The following ANKRD60 variants were observed in gnomAD, a reference collection of about 807,000 sequenced individuals.
ANKRD60 encodes ankyrin repeat domain 60.
Under a neutral mutation model 21.3 loss-of-function variants are expected in ANKRD60, and 24 were observed. The observed-to-expected ratio is 1.13, with a 90% confidence interval of 0.82 to 1.59. ANKRD60 has a LOEUF of 1.59. ANKRD60 is among the 40% of genes most tolerant of loss of function. The probability of loss-of-function intolerance (pLI) is 0.00; values close to 1 mark genes in which losing one functional copy is unlikely to be tolerated. For missense variants in ANKRD60, 490 were observed against 466.7 expected (o/e 1.05, Z -0.46); for synonymous variants, 182 against 199.4 (o/e 0.91, Z 0.74).
intron 3 of ANKRD60, 92 bp from the exon 4 acceptor site, chr20:58,218,897 G>T: frequency 8.0e-7 from 1 of 1,255,838 alleles, no homozygotes; most frequent in Non-Finnish European, 1.1e-6. Flanking sequence ...CCTCAGGGAG[G>T]TCCTGCTGCC....
At chr20:58,220,714 G>C (rs1366592548) in intron 3 of ANKRD60, among the ~76,000 whole-genome samples, 1 of 105,016 alleles carries the variant, frequency 9.5e-6, no homozygotes. Context: ...GTGTGTGTGT[G>C]TGTGTGTGTG....
At chr20:58,222,653 G>A (rs1011741319) in intron 2 of ANKRD60, among the ~76,000 whole-genome samples, 4 of 152,176 alleles carry the variant, frequency 2.6e-5, no homozygotes, top group African/African-American at 4.8e-5. Flanking sequence ...CTCTCCCTCC[G>A]GAACCAGGCA....
chr20:58,224,772 C>T (rs1333263711), intron 1 of ANKRD60, among the ~76,000 whole-genome samples: 6 of 152,206 alleles, frequency 3.9e-5, no homozygotes, highest in Non-Finnish European at 8.8e-5. Context: ...GAGTAAAACT[C>T]CCACATGCTG....
downstream of ANKRD60, among the ~76,000 whole-genome samples, chr20:58,217,150 G>A (rs1984152790): frequency 6.6e-6 from 1 of 152,206 alleles, no homozygotes; most frequent in South Asian, 2.1e-4. Context: ...GAGAGATCTG[G>A]CCGGGTGTGG....
exon 4 of ANKRD60, chr20:58,218,514 ATCT>A: frequency 6.4e-7 from 1 of 1,551,220 alleles, no homozygotes; most frequent in Non-Finnish European, 8.7e-7. Flanking sequence ...GGTCATCGTC[ATCT>A]TCTCAGACCT....
At chr20:58,220,092 C>A (rs1358699269) in intron 3 of ANKRD60, among the ~76,000 whole-genome samples, 3 of 152,172 alleles carry the variant, frequency 2.0e-5, no homozygotes, top group African/African-American at 7.2e-5. Context: ...ATAGCAATGA[C>A]TGAGCTGACA....
intron 2 of ANKRD60, among the ~76,000 whole-genome samples, chr20:58,222,281 A>T (rs979557038): frequency 6.6e-6 from 1 of 152,068 alleles, no homozygotes; most frequent in Admixed American, 6.5e-5. Context: ...CAGGGCTGGG[A>T]CAGGGCCCCA....
chr20:58,223,653 T>C (rs1984307465), intron 1 of ANKRD60, among the ~76,000 whole-genome samples: 1 of 152,218 alleles, frequency 6.6e-6, no homozygotes, highest in Non-Finnish European at 1.5e-5. Flanking sequence ...ATCTTTCAAA[T>C]TGAAGCGTGG....
At chr20:58,218,530 A>G (rs1984178101) in exon 4 of ANKRD60, 1 of 1,551,568 alleles carries the variant, frequency 6.4e-7, no homozygotes, top group East Asian at 2.4e-5. Flanking sequence ...TCAGACCTAA[A>G]CCCAGACTTG....
chr20:58,217,149 G>A (rs1001894830), downstream of ANKRD60, among the ~76,000 whole-genome samples: 5 of 152,216 alleles, frequency 3.3e-5, no homozygotes, highest in Non-Finnish European at 7.3e-5. Context: ...AGAGAGATCT[G>A]GCCGGGTGTG....
intron 3 of ANKRD60, 87 bp from the exon 4 acceptor site, chr20:58,218,892 G>T: frequency 1.5e-6 from 2 of 1,302,510 alleles, no homozygotes; most frequent in South Asian, 1.5e-5. Flanking sequence ...GTGCTCCTCA[G>T]GGAGGTCCTG....
chr20:58,225,960 G>A (rs191415252), intron 1 of ANKRD60, among the ~76,000 whole-genome samples: 1 of 152,258 alleles, frequency 6.6e-6, no homozygotes, highest in African/African-American at 2.4e-5. Flanking sequence ...GGGCTCTAGG[G>A]TGCCTGGCCT....
intron 3 of ANKRD60, among the ~76,000 whole-genome samples, chr20:58,220,788 C>T (rs1269372776): frequency 6.6e-6 from 1 of 151,104 alleles, no homozygotes; most frequent in African/African-American, 2.4e-5. Context: ...GCCACCACAC[C>T]CAGCTAATTT....
At chr20:58,221,611 G>T (rs1315882291) in intron 2 of ANKRD60, 108 bp from the exon 3 acceptor site, 5 of 1,243,932 alleles carry the variant, frequency 4.0e-6, no homozygotes, top group Non-Finnish European at 5.5e-6. Flanking sequence ...GTCAAATTAA[G>T]GCTCATGATG....
At chr20:58,220,588 A>C (rs1444574200) in intron 3 of ANKRD60, among the ~76,000 whole-genome samples, 2 of 151,970 alleles carry the variant, frequency 1.3e-5, no homozygotes, top group African/African-American at 2.4e-5. Flanking sequence ...CTTGTGAGAA[A>C]ATAATAACGA....
In ANKRD60 at chr20:58,228,629, T is replaced by G; in HGVS notation, c.25A>C (p.Met9Leu). ...CCCGCCCCCGCCGCCGCCCGCCGCA[T>G]CCCCCAGGCGCGGCCGCGCGTCATC... The change falls in exon 1 of 4, where the codon ATG becomes CTG. Residue 9 changes from methionine (M) to leucine (L), a missense_variant. Physicochemically the swap from Met to Leu is conservative, Grantham distance 15 (BLOSUM62 2). Coordinates refer to ENST00000457363, the Ensembl canonical transcript of ANKRD60. The surrounding 1 kb of genome is among the most constrained non-coding windows in gnomAD (Gnocchi z 5.3). 2 of 814,072 alleles carry G rather than the reference T, an allele frequency of 2.5e-6. No homozygotes were observed. The highest frequency in any genetic ancestry group is 3.0e-6 in the Non-Finnish European group (2 of 670,612). The allele number at this position is 814,072 out of a possible 1,614,324, so 50.4% of individuals were successfully genotyped here.
chr20:58,218,169 G>A (rs940257410), downstream of ANKRD60, among the ~76,000 whole-genome samples: 1 of 152,178 alleles, frequency 6.6e-6, no homozygotes, highest in Non-Finnish European at 1.5e-5. Flanking sequence ...TTATGCCAGT[G>A]CATTAGACGG....
chr20:58,221,253 A>T, intron 3 of ANKRD60, 85 bp downstream of exon 3: 1 of 1,395,888 alleles, frequency 7.2e-7, no homozygotes, highest in Admixed American at 2.4e-5. Context: ...CACTGCTGGA[A>T]GGACTGGGAA....
At chr20:58,223,218 G>C in intron 1 of ANKRD60, 36 bp from the exon 2 acceptor site, 5 of 1,519,504 alleles carry the variant, frequency 3.3e-6, no homozygotes, top group Non-Finnish European at 4.4e-6. Flanking sequence ...TAAAAAATTG[G>C]GTATTAAAGA....
Sources: allele counts gnomAD v4.1 joint callset (sites outside exome capture counted in the v4.1 genomes callset), GRCh38; gene constraint gnomAD v4.1.1; non-coding constraint Gnocchi (gnomAD v3.1); transcripts MANE v1.5; gene names NCBI Gene and HGNC (gene_info 2026-07-23, HGNC 2026-07-21).